Variants in KSR2 observed in about 807,000 individuals in gnomAD.
The protein encoded by KSR2 is kinase suppressor of ras 2.
KSR2 carries 25 observed loss-of-function variants against 107.8 expected under a neutral mutation model. The ratio of observed to expected loss-of-function variants is 0.23; its 90% CI spans 0.17 to 0.32. The LOEUF (loss-of-function observed/expected upper bound fraction) is 0.32. Ranked by LOEUF, KSR2 falls within the 10% of genes least tolerant of loss-of-function variation. The pLI, the probability that KSR2 is intolerant of heterozygous loss-of-function variation, is 1.00. For synonymous variants in KSR2, 480 were observed against 507.0 expected (o/e 0.95, Z 0.71); for missense variants, 887 against 1,268.9 (o/e 0.70, Z 4.57).
chr12:117,623,518 T>C lies in KSR2; in HGVS notation c.1172-41159A>G, dbSNP rs953526438. On this transcript the variant is annotated intron_variant, in intron 5 of 19. Coordinates refer to ENST00000339824, the MANE Select transcript of KSR2 (RefSeq NM_173598.6). The stretch of plus-strand genomic sequence containing the variant: ...CTTGTGACTAGTTTGCTGAGAATGA[T>C]GGTTTCCAGCTTAATCCATGTCCCT... 4.6e-5 allele frequency among the ~76,000 whole-genome samples: 7 copies of C among 152,210 alleles called. No individual in the cohort carries two copies. In the South Asian group the frequency reaches 1.4e-3, roughly 32 times the overall value.
intron 4 of KSR2, among the ~76,000 whole-genome samples, chr12:117,688,731 A>G (rs539864344): frequency 2.2e-4 from 34 of 152,282 alleles, no homozygotes; most frequent in African/African-American, 7.9e-4. Context: ...ATGTGCTGCC[A>G]AAGGACACTC....
chr12:117,469,615 G>C lies in KSR2; in HGVS notation c.2846+47C>G, dbSNP rs1411157729. On this transcript the variant is annotated intron_variant, in intron 19 of 19. Coordinates refer to ENST00000339824, the MANE Select transcript of KSR2 (RefSeq NM_173598.6). ...AGAGGGGATCAAAAAGGTGACAAAG[G>C]GCAGAGGACAAGGCAGTGGGGAGAG... 4.4e-6 allele frequency: 7 copies of C among 1,597,184 alleles called. No homozygotes were observed. In the Admixed American group the frequency reaches 1.2e-4, roughly 28 times the overall value.
chr12:117,472,761 A>T (rs557388460), intron 17 of KSR2, among the ~76,000 whole-genome samples: 27 of 152,218 alleles, frequency 1.8e-4, no homozygotes, highest in Non-Finnish European at 2.8e-4. Flanking sequence ...TAGTTATCAT[A>T]AGAAATAATA....
At chr12:117,525,264 C>G in intron 13 of KSR2, 45 bp from the exon 14 acceptor site, 1 of 1,520,126 alleles carries the variant, frequency 6.6e-7, no homozygotes, top group Non-Finnish European at 8.9e-7. Flanking sequence ...TCTGCCACTG[C>G]CCCAGCCTCC....
In KSR2 at chr12:117,723,118, G is replaced by C. The variant is rs1314555041; in HGVS notation, c.986+37893C>G. Among the ~76,000 whole-genome samples, 3 of 152,142 alleles carry C rather than the reference G, an allele frequency of 2.0e-5. 1 individual carries two copies. The highest frequency in any genetic ancestry group is 4.4e-5 in the Non-Finnish European group (3 of 68,026). The stretch of plus-strand genomic sequence containing the variant: ...TCAGGATGACCCTGAAGGCAGGCCA[G>C]AGGAATCCATCCTCACCATTCACAA... On this transcript the variant is annotated intron_variant, in intron 4 of 19. Coordinates refer to ENST00000339824, the MANE Select transcript of KSR2 (RefSeq NM_173598.6).
intron 3 of KSR2, among the ~76,000 whole-genome samples, chr12:117,833,663 C>T (rs1892072077): frequency 6.6e-6 from 1 of 152,148 alleles, no homozygotes; most frequent in East Asian, 1.9e-4. Flanking sequence ...GCCATTGTGC[C>T]TGGCCAGGGG....
chr12:117,469,692 G>A lies in KSR2; in HGVS notation c.2816C>T (p.Ser939Phe). Residue 939 changes from serine (S) to phenylalanine (F), a missense_variant, in exon 19 of 20, where the codon TCT becomes TTT. Transcript: ENST00000339824. ...AGACTTCCAGAAATGTCCAGGGTGA[G>A]ACAGGCGACGGTTTCGCTTTGGCAG... ...EKLPKRNRRL[S>F]HPGHFWKSAE... 6.2e-7 allele frequency: 1 copy of A among 1,613,330 alleles called. No homozygotes were observed. The highest frequency in any genetic ancestry group is 8.5e-7 in the Non-Finnish European group (1 of 1,179,648).
intron 5 of KSR2, among the ~76,000 whole-genome samples, chr12:117,662,218 C>T (rs534230772): frequency 2.0e-5 from 3 of 152,172 alleles, no homozygotes; most frequent in Non-Finnish European, 4.4e-5. Context: ...ACCCAAACTG[C>T]TCAAAATATC....
intron 1 of KSR2, among the ~76,000 whole-genome samples, chr12:117,893,058 C>A (rs1319679342): frequency 6.7e-6 from 1 of 150,170 alleles, no homozygotes. Flanking sequence ...TACTCTGTCA[C>A]CCAGGCTGGA....
intron 1 of KSR2, among the ~76,000 whole-genome samples, chr12:117,955,649 G>A (rs998918908): frequency 3.3e-5 from 5 of 151,558 alleles, no homozygotes; most frequent in Non-Finnish European, 7.4e-5. Context: ...AAAATCAAAC[G>A]CATCCATCTT....
chr12:117,558,433 G>A lies in KSR2; in HGVS notation c.1393+73C>T, dbSNP rs1877856541. The A allele has an allele frequency of 3.4e-6, 4 of 1,189,618 alleles. No individual in the cohort carries two copies. The Admixed American group carries it at 5.2e-5, about 16-fold the overall frequency. 73.7% of individuals were successfully genotyped at this position (1,189,618 alleles called of 1,614,324 possible). A position where few individuals can be genotyped will look rare whatever the true frequency, so the allele number is the denominator to read the frequency against. ...GAGGTATTCAGAACCAACCTGATGG[G>A]ACAGCTATGTGGGGGACCTGCAGGA... On this transcript the variant is annotated intron_variant, in intron 8 of 19. Transcript: ENST00000339824.
At position 117,465,456 on chromosome 12, in the gene KSR2, G is replaced by A. The variant is rs945798761; in HGVS notation, c.*1743C>T. ...CAGGAGGGCCCTTTGGGAAACACAGGGGTTTCCTGTAGCCAGGCTCCTGGG... is the reference window on the plus strand; with the variant it reads ...CAGGAGGGCCCTTTGGGAAACACAGAGGTTTCCTGTAGCCAGGCTCCTGGG... On this transcript the variant is annotated 3_prime_UTR_variant, in exon 20 of 20. Transcript: ENST00000339824. 4 of 152,176 alleles carry A rather than the reference G, an allele frequency of 2.6e-5. No individual in the cohort carries two copies. Among genetic ancestry groups the A allele is most frequent in the Non-Finnish European group, 4.4e-5 (3 of 68,056 alleles). 9.4% of individuals were successfully genotyped at this position (152,176 alleles called of 1,614,324 possible). A position where few individuals can be genotyped will look rare whatever the true frequency, so the allele number is the denominator to read the frequency against.
At chr12:117,714,505 A>G (rs953655460) in intron 4 of KSR2, among the ~76,000 whole-genome samples, 1 of 152,162 alleles carries the variant, frequency 6.6e-6, no homozygotes, top group Non-Finnish European at 1.5e-5. Context: ...CAGAGAACCT[A>G]TTTTGTGCCT....
intron 9 of KSR2, among the ~76,000 whole-genome samples, chr12:117,547,986 A>C (rs964300709): frequency 6.6e-5 from 10 of 152,062 alleles, no homozygotes; most frequent in South Asian, 4.2e-4. Flanking sequence ...AGTCCCAGCT[A>C]TCTGGGAGAC....
chr12:117,728,138 T>C (rs1221042211), intron 4 of KSR2, among the ~76,000 whole-genome samples: 1 of 152,200 alleles, frequency 6.6e-6, no homozygotes, highest in Non-Finnish European at 1.5e-5. Context: ...AGTGGGTATC[T>C]AGGGATATAC....
intron 3 of KSR2, among the ~76,000 whole-genome samples, chr12:117,793,036 A>C (rs1890322749): frequency 6.8e-6 from 1 of 148,040 alleles, no homozygotes; most frequent in East Asian, 2.0e-4. Context: ...ATCAACATGC[A>C]CACACGCTCA....
intron 3 of KSR2, among the ~76,000 whole-genome samples, chr12:117,793,587 A>G (rs1023109145): frequency 4.2e-5 from 6 of 143,688 alleles, no homozygotes; most frequent in African/African-American, 1.7e-4. Flanking sequence ...TTACACCAAT[A>G]TGCACACATA....
intron 1 of KSR2, among the ~76,000 whole-genome samples, chr12:117,891,176 G>A (rs937328134): frequency 2.6e-5 from 4 of 152,202 alleles, no homozygotes; most frequent in African/African-American, 7.2e-5. Context: ...AACACTTTGG[G>A]AGGCCAAGCC....
chr12:117,475,027 C>G (rs1355887416), intron 17 of KSR2, among the ~76,000 whole-genome samples: 1 of 152,172 alleles, frequency 6.6e-6, no homozygotes, highest in Non-Finnish European at 1.5e-5. Flanking sequence ...CTGGGTGCTG[C>G]TGATGTCCAT....
Sources: allele counts gnomAD v4.1 joint callset (sites outside exome capture counted in the v4.1 genomes callset), GRCh38; gene constraint gnomAD v4.1.1; transcripts MANE v1.5; gene names NCBI Gene and HGNC (gene_info 2026-07-23, HGNC 2026-07-21).